Variants in SLAIN2 observed in about 807,000 individuals in gnomAD.
SLAIN2 encodes the protein SLAIN motif-containing protein 2.
A neutral mutation model predicts 56.6 loss-of-function variants in SLAIN2; 31 were observed. The observed-to-expected ratio is 0.55, with a 90% CI of 0.41 to 0.74. SLAIN2 has a LOEUF of 0.74. Ranked by LOEUF, SLAIN2 falls within the 30% of genes least tolerant of loss-of-function variation. The probability of loss-of-function intolerance (pLI) is 0.00; values close to 1 mark genes in which losing one functional copy is unlikely to be tolerated. For synonymous variants in SLAIN2, 317 were observed against 284.9 expected (o/e 1.11, Z -1.13); for missense variants, 777 against 754.2 (o/e 1.03, Z -0.35).
intron 1 of SLAIN2, among the ~76,000 whole-genome samples, chr4:48,354,592 G>A (rs1225722357): frequency 2.6e-5 from 4 of 151,766 alleles, no homozygotes; most frequent in Non-Finnish European, 4.4e-5. Flanking sequence ...TCAGCCTCCC[G>A]AGTAGCTGGG....
intron 2 of SLAIN2, 96 bp from the exon 3 acceptor site, chr4:48,377,800 G>A: frequency 4.4e-6 from 5 of 1,127,344 alleles, no homozygotes; most frequent in Non-Finnish European, 6.4e-6. Context: ...TTTAAATTGA[G>A]ATAATGATTT....
chr4:48,368,065 G>A (rs190006667), intron 1 of SLAIN2, among the ~76,000 whole-genome samples: 459 of 14,044 alleles, frequency 0.033, 17 homozygotes, highest in African/African-American at 0.2. Context: ...TTTTTTTTTT[G>A]ACAGTGTTGC....
chr4:48,417,861 A>G (rs1717035539), intron 6 of SLAIN2, among the ~76,000 whole-genome samples: 1 of 152,144 alleles, frequency 6.6e-6, no homozygotes, highest in Non-Finnish European at 1.5e-5. Context: ...CAAAATAATA[A>G]GAGCTATCTA....
chr4:48,350,482 G>A (rs1714981819), intron 1 of SLAIN2, among the ~76,000 whole-genome samples: 2 of 152,146 alleles, frequency 1.3e-5, no homozygotes, highest in Non-Finnish European at 2.9e-5. Flanking sequence ...AATATAAATG[G>A]TTTGCATTAC....
rs765152322 is a variant in SLAIN2, at chr4:48,379,775, A to C, written c.789A>C (p.Glu263Asp). 2 of 1,599,470 alleles carry C rather than the reference A, an allele frequency of 1.3e-6. No individual in the cohort carries two copies. Among genetic ancestry groups the C allele is most frequent in the South Asian group, 2.3e-5 (2 of 88,408 alleles). The part of the protein sequence containing the change: ...DSELSASELD[E>D]DSIGSNYKLN... ...AGTTAAGTGCTTCAGAATTAGATGA[A>C]GATTCAATTGGATCCAATTATAAGC... is the stretch of plus-strand genomic sequence containing the variant. The change falls in exon 4 of 8, where the codon GAA becomes GAC. Residue 263 changes from glutamate (E) to aspartate (D), a missense_variant. Coordinates refer to ENST00000264313, the MANE Select transcript of SLAIN2 (RefSeq NM_020846.2).
At chr4:48,353,868 G>T (rs1372144531) in intron 1 of SLAIN2, among the ~76,000 whole-genome samples, 1 of 152,160 alleles carries the variant, frequency 6.6e-6, no homozygotes, top group Non-Finnish European at 1.5e-5. Context: ...AAATGAAAAG[G>T]AAGGGATGGA....
intron 6 of SLAIN2, among the ~76,000 whole-genome samples, chr4:48,397,751 G>A (rs977318334): frequency 9.9e-5 from 15 of 152,088 alleles, no homozygotes; most frequent in African/African-American, 3.6e-4. Context: ...TGAGAACATG[G>A]GGTGTTTGGT....
At chr4:48,344,931 ACT>A (rs1456736070) in intron 1 of SLAIN2, among the ~76,000 whole-genome samples, 1 of 152,232 alleles carries the variant, frequency 6.6e-6, no homozygotes, top group Non-Finnish European at 1.5e-5. Context: ...CTTGAAAAAC[ACT>A]GTTTCTAGAA....
intron 7 of SLAIN2, among the ~76,000 whole-genome samples, chr4:48,421,219 CTTGTCTGGAGCTCCTGAGTT>C (rs1717148158): frequency 6.6e-6 from 1 of 152,046 alleles, no homozygotes; most frequent in African/African-American, 2.4e-5. Context: ...GTTGCCCAGG[CTTGTCTGGAGCTCCTGAGTT>C]CAAGTGATCT....
intron 2 of SLAIN2, among the ~76,000 whole-genome samples, chr4:48,375,923 C>G (rs767942363): frequency 1.3e-5 from 2 of 152,238 alleles, no homozygotes; most frequent in Non-Finnish European, 2.9e-5. Flanking sequence ...TTCCAAAAAG[C>G]CTTACCCAGT....
At chr4:48,350,098 C>T (rs1486128444) in intron 1 of SLAIN2, among the ~76,000 whole-genome samples, 1 of 152,152 alleles carries the variant, frequency 6.6e-6, no homozygotes, top group Non-Finnish European at 1.5e-5. Flanking sequence ...ATCAGATCTA[C>T]CTAAATAAAT....
chr4:48,367,127 C>T (rs530132890), intron 1 of SLAIN2, among the ~76,000 whole-genome samples: 2 of 152,296 alleles, frequency 1.3e-5, no homozygotes, highest in South Asian at 4.1e-4. Flanking sequence ...CAACTCTGTC[C>T]TGCTAAAGGT....
At chr4:48,382,476 G>T in intron 4 of SLAIN2, 92 bp from the exon 5 acceptor site, 5 of 1,303,618 alleles carry the variant, frequency 3.8e-6, no homozygotes, top group Non-Finnish European at 5.0e-6. Flanking sequence ...CACCCTCTTT[G>T]AATTTTTCAG....
intron 1 of SLAIN2, 23 bp downstream of exon 1, chr4:48,342,151 GA>G: frequency 7.5e-7 from 1 of 1,337,752 alleles, no homozygotes; most frequent in Non-Finnish European, 9.5e-7. Context: ...CGCCGGGCAG[GA>G]GCTGGGCGGG....
intron 2 of SLAIN2, 65 bp from the exon 3 acceptor site, chr4:48,377,831 T>G: frequency 6.8e-7 from 1 of 1,471,308 alleles, no homozygotes; most frequent in Non-Finnish European, 9.3e-7. Flanking sequence ...TAGGAAAACT[T>G]CAGAAATGAA....
chr4:48,389,102 A>G (rs1716169060), intron 6 of SLAIN2, among the ~76,000 whole-genome samples: 1 of 152,082 alleles, frequency 6.6e-6, no homozygotes, highest in African/African-American at 2.4e-5. Flanking sequence ...ACACAAATTG[A>G]AATAAATAAG....
At chr4:48,385,611 C>G (rs1202396009) in intron 6 of SLAIN2, among the ~76,000 whole-genome samples, 1 of 151,016 alleles carries the variant, frequency 6.6e-6, no homozygotes, top group East Asian at 2.0e-4. Flanking sequence ...GATATTTAAC[C>G]CTTTTTTCAT....
At chr4:48,359,919 G>A (rs1715271496) in intron 1 of SLAIN2, among the ~76,000 whole-genome samples, 1 of 152,198 alleles carries the variant, frequency 6.6e-6, no homozygotes, top group African/African-American at 2.4e-5. Flanking sequence ...ACTTTGAGAG[G>A]CTGAGGTGGG....
intron 6 of SLAIN2, among the ~76,000 whole-genome samples, chr4:48,400,878 G>A (rs1380068852): frequency 1.5e-4 from 23 of 151,842 alleles, no homozygotes; most frequent in Admixed American, 1.4e-3. Context: ...TTTAGTTGTC[G>A]TGTTAGGTTG....
Sources: gnomAD v4.1 joint callset for allele counts (sites outside exome capture counted in the v4.1 genomes callset) on GRCh38, gnomAD v4.1.1 for gene constraint, MANE v1.5 for transcripts, NCBI Gene and HGNC (gene_info 2026-07-23, HGNC 2026-07-21) for gene names.